WDR27: variants seen among roughly 807,000 people sequenced by gnomAD.
WDR27 encodes WD repeat-containing protein 27.
Under a neutral mutation model 114.4 loss-of-function variants are expected in WDR27, and 100 were observed. That is an observed-to-expected ratio of 0.87 (90% CI 0.74 to 1.03). The LOEUF (loss-of-function observed/expected upper bound fraction) is 1.03, where lower values mean the gene tolerates loss of function less well. Among genes scored for constraint, WDR27 ranks in the 50% least tolerant of loss-of-function variants. WDR27 has a pLI of 0.00. For synonymous variants in WDR27, 449 were observed against 423.1 expected (o/e 1.06, Z -0.75); for missense variants, 1,129 against 1,092.9 (o/e 1.03, Z -0.47).
In WDR27 at chr6:169,658,375, C is replaced by T. The variant is rs369735663; in HGVS notation, c.1320-17G>A. 1.9e-6 allele frequency: 3 copies of T among 1,579,692 alleles called. No homozygotes were observed. Among genetic ancestry groups the T allele is most frequent in the Admixed American group, 1.8e-5 (1 of 55,248 alleles). On this transcript the variant is annotated splice_polypyrimidine_tract_variant and intron_variant, in intron 12 of 25. Transcript: ENST00000448612. ...ACACAGGAGCTGAAACAGAAACAAG[C>T]CCCATGAAACTAGGAGCGCAAACGA...
intron 8 of WDR27, among the ~76,000 whole-genome samples, chr6:169,663,087 A>G (rs1447259555): frequency 6.6e-6 from 1 of 152,234 alleles, no homozygotes; most frequent in Non-Finnish European, 1.5e-5. Flanking sequence ...CGCATCGAGG[A>G]AAGCACTAAG....
intron 25 of WDR27, among the ~76,000 whole-genome samples, chr6:169,514,441 T>C (rs1056900258): frequency 2.7e-5 from 4 of 148,934 alleles, no homozygotes; most frequent in Non-Finnish European, 4.5e-5. Context: ...TAATAAACTA[T>C]TGTTAATATA....
chr6:169,693,282 A>T (rs2128307718), intron 1 of WDR27, among the ~76,000 whole-genome samples: 1 of 152,356 alleles, frequency 6.6e-6, no homozygotes, highest in Non-Finnish European at 1.5e-5. Context: ...TTTTTAGACA[A>T]ATGCTGAGAG....
chr6:169,635,442 G>T (rs1258146933), intron 19 of WDR27, among the ~76,000 whole-genome samples: 1 of 152,178 alleles, frequency 6.6e-6, no homozygotes, highest in African/African-American at 2.4e-5. Context: ...CTGAGGGAGG[G>T]GCCGCAGGAG....
chr6:169,468,673 C>T (rs529911552), intron 25 of WDR27, among the ~76,000 whole-genome samples: 6 of 152,242 alleles, frequency 3.9e-5, no homozygotes, highest in African/African-American at 1.4e-4. Context: ...ATTAACTTGG[C>T]GGGGCAGGAT....
chr6:169,523,542 AAC>A (rs1200304095), intron 25 of WDR27, among the ~76,000 whole-genome samples: 1 of 152,152 alleles, frequency 6.6e-6, no homozygotes, highest in African/African-American at 2.4e-5. Flanking sequence ...AATCCTCAGC[AAC>A]ACACTAGCAA....
intron 21 of WDR27, among the ~76,000 whole-genome samples, chr6:169,619,089 C>A (rs985278808): frequency 1.4e-4 from 21 of 152,176 alleles, no homozygotes; most frequent in Non-Finnish European, 2.9e-4. Context: ...TACTGAAAGA[C>A]CACATAGATT....
downstream of WDR27, among the ~76,000 whole-genome samples, chr6:169,454,488 G>A (rs1191962149): frequency 4.6e-5 from 7 of 152,010 alleles, no homozygotes; most frequent in South Asian, 2.1e-4. Flanking sequence ...AAACACCCAG[G>A]CGTCCTCCTT....
rs527935233 is a variant in WDR27, at chr6:169,603,502, C to T, written c.2322-1181G>A. Among the ~76,000 whole-genome samples, 3 of 152,262 alleles carry T rather than the reference C, an allele frequency of 2.0e-5. No individual in the cohort carries two copies. The South Asian group carries it at 6.2e-4, about 32-fold the overall frequency. Reference sequence around the variant, plus strand: ...TCCAGAAAGTACTGTGGCACATATACTGCACATTTTCTCTGCATATGCAAA... The same window carrying T: ...TCCAGAAAGTACTGTGGCACATATATTGCACATTTTCTCTGCATATGCAAA... On this transcript the variant is annotated intron_variant, in intron 22 of 25. Coordinates refer to ENST00000448612, the MANE Select transcript of WDR27 (RefSeq NM_182552.5).
At chr6:169,518,015 C>A (rs1481989679) in intron 25 of WDR27, among the ~76,000 whole-genome samples, 3 of 152,192 alleles carry the variant, frequency 2.0e-5, no homozygotes, top group Non-Finnish European at 4.4e-5. Flanking sequence ...CCAAAATAAT[C>A]ATCTTTTCCT....
At chr6:169,469,279 A>C (rs1414415166) in intron 25 of WDR27, among the ~76,000 whole-genome samples, 1 of 152,232 alleles carries the variant, frequency 6.6e-6, no homozygotes, top group African/African-American at 2.4e-5. Context: ...TTTGAAAACG[A>C]AAGTTATATT....
intron 3 of WDR27, 109 bp downstream of exon 3, chr6:169,672,146 G>T (rs776662197): frequency 1.2e-5 from 14 of 1,143,392 alleles, no homozygotes; most frequent in Non-Finnish European, 1.7e-5. Context: ...AACCCCCCGA[G>T]GGACTGCTGT....
intron 4 of WDR27, chr6:169,668,492 T>C: frequency 3.2e-6 from 1 of 311,280 alleles, no homozygotes; most frequent in East Asian, 8.2e-5. Context: ...TAGGGCTTCC[T>C]ACAAGACAAG....
chr6:169,447,291 G>T, the WDR27 span, among the ~76,000 whole-genome samples: 14 of 152,188 alleles, frequency 9.2e-5, no homozygotes, highest in African/African-American at 3.1e-4. Context: ...ATTTAAATAT[G>T]TCAGGGAAGA....
At chr6:169,502,146 G>A (rs1309457723) in intron 25 of WDR27, among the ~76,000 whole-genome samples, 1 of 152,218 alleles carries the variant, frequency 6.6e-6, no homozygotes, top group Non-Finnish European at 1.5e-5. Flanking sequence ...CTGGTGAGGA[G>A]ATGAGGGAGG....
chr6:169,601,884 C>T (rs1439683878), intron 23 of WDR27, among the ~76,000 whole-genome samples: 1 of 152,210 alleles, frequency 6.6e-6, no homozygotes, highest in Admixed American at 6.5e-5. Context: ...ATTAAATACA[C>T]AGGATCTGGT....
intron 25 of WDR27, among the ~76,000 whole-genome samples, chr6:169,529,183 C>T (rs951357877): frequency 6.6e-6 from 1 of 151,804 alleles, no homozygotes; most frequent in Non-Finnish European, 1.5e-5. Flanking sequence ...GGCTAAAAAA[C>T]AGTATTTGCA....
At chr6:169,651,883 T>C (rs758870444) in intron 14 of WDR27, 47 bp downstream of exon 14, 9 of 1,531,500 alleles carry the variant, frequency 5.9e-6, no homozygotes, top group Non-Finnish European at 8.1e-6. Flanking sequence ...ATCCTGCATC[T>C]GTGACGCAGG....
chr6:169,665,418 G>T (rs767344290), intron 7 of WDR27, 68 bp downstream of exon 7: 1 of 1,556,272 alleles, frequency 6.4e-7, no homozygotes, highest in Non-Finnish European at 8.7e-7. Context: ...TGAAGACAAA[G>T]ACCTTTGTGT....
Sources: gnomAD v4.1 joint callset for allele counts (sites outside exome capture counted in the v4.1 genomes callset) on GRCh38, gnomAD v4.1.1 for gene constraint, MANE v1.5 for transcripts, NCBI Gene and HGNC (gene_info 2026-07-23, HGNC 2026-07-21) for gene names.